Variants in CHM observed in about 807,000 individuals in gnomAD.
CHM encodes the protein CHM Rab escort protein.
A neutral mutation model predicts 49.0 loss-of-function variants in CHM; 10 were observed. That is an observed-to-expected ratio of 0.20 (90% confidence interval 0.13 to 0.35). The LOEUF (loss-of-function observed/expected upper bound fraction) is 0.35, where lower values mean the gene tolerates loss of function less well. Ranked by LOEUF, CHM falls within the 10% of genes least tolerant of loss-of-function variation. CHM has a pLI of 1.00. For missense variants in CHM, 455 were observed against 478.4 expected, an observed-to-expected ratio of 0.95 and a Z score of 0.46; for synonymous variants, 184 against 167.5, an observed-to-expected ratio of 1.10 and a Z score of -0.76.
intron 8 of CHM, among the ~76,000 whole-genome samples, chrX:85,912,387 C>T (rs963128582): frequency 9.0e-6 from 1 of 111,397 alleles, no homozygotes; most frequent in African/African-American, 3.3e-5. Flanking sequence ...TGAGGAAACA[C>T]ATCTTACTTT....
At chrX:86,016,523 G>A (rs902288227) in intron 2 of CHM, among the ~76,000 whole-genome samples, 2 of 112,658 alleles carry the variant, frequency 1.8e-5, no homozygotes, top group Admixed American at 1.9e-4. Flanking sequence ...AGCTCAGGCC[G>A]TGGCTTCAGA....
intron 2 of CHM, 140 bp downstream of exon 2, chrX:86,027,351 T>TC: frequency 1.9e-6 from 1 of 521,725 alleles, no homozygotes; most frequent in Non-Finnish European, 3.4e-6. Flanking sequence ...ATTAAACAAC[T>TC]CCGATCTTTC....
chrX:86,016,967 A>T (rs1042032830), intron 2 of CHM, among the ~76,000 whole-genome samples: 6 of 112,748 alleles, frequency 5.3e-5, no homozygotes, highest in African/African-American at 1.9e-4. Flanking sequence ...CTCTTGCATC[A>T]GGGTGACCTG....
At chrX:85,942,778 ACTT>A (rs1929191148) in intron 8 of CHM, among the ~76,000 whole-genome samples, 1 of 108,477 alleles carries the variant, frequency 9.2e-6, no homozygotes, top group African/African-American at 3.4e-5. Context: ...ATATATATAT[ACTT>A]TAAGTTTTAG....
chrX:85,911,142 T>TAC lies in CHM; in HGVS notation c.1244+118_1244+119insGT, dbSNP rs1556276497. The TAC allele has an allele frequency of 3.5e-3, 45 of 12,774 alleles. 3 individuals are homozygous for TAC. The highest frequency in any genetic ancestry group is 0.02 in the African/African-American group (43 of 2,135). The allele number at this position is 12,774 out of a possible 1,213,427, so 1.1% of individuals were successfully genotyped here. A position where few individuals can be genotyped will look rare whatever the true frequency, so the allele number is the denominator to read the frequency against. On this transcript the variant is annotated intron_variant, in intron 9 of 14. Coordinates refer to ENST00000357749, the MANE Select transcript of CHM (RefSeq NM_000390.4). ...GTGTGTGTATATGTATATATATATA[T>TAC]ATATATATATATATATATATGTATA...
chrX:85,920,432 C>G (rs1285289308), intron 8 of CHM, among the ~76,000 whole-genome samples: 3 of 111,655 alleles, frequency 2.7e-5, no homozygotes, highest in Non-Finnish European at 5.6e-5. Context: ...GTAAGAAGCA[C>G]AGTAGTAGGG....
intron 7 of CHM, 145 bp downstream of exon 7, chrX:85,957,710 A>G (rs1411029241): frequency 3.3e-6 from 2 of 598,875 alleles, no homozygotes; most frequent in Non-Finnish European, 4.9e-6. Context: ...AAATAGCTAA[A>G]TGTTACTAAT....
intron 3 of CHM, among the ~76,000 whole-genome samples, chrX:85,979,898 TAC>T (rs981190972): frequency 2.2e-4 from 24 of 111,262 alleles, no homozygotes; most frequent in Admixed American, 1.5e-3. Context: ...TATTAGATAG[TAC>T]TAAACATCCA....
intron 2 of CHM, among the ~76,000 whole-genome samples, chrX:85,985,254 A>G (rs1353748221): frequency 8.9e-6 from 1 of 112,240 alleles, no homozygotes; most frequent in Non-Finnish European, 1.9e-5. Flanking sequence ...CGCAGGTCAG[A>G]CCCAGTCCCC....
intron 9 of CHM, among the ~76,000 whole-genome samples, chrX:85,908,333 T>C (rs1926728616): frequency 8.9e-6 from 1 of 111,898 alleles, no homozygotes; most frequent in Admixed American, 9.5e-5. Flanking sequence ...CTCTTGTATG[T>C]TTGATTTTGA....
intron 12 of CHM, among the ~76,000 whole-genome samples, chrX:85,886,686 C>T (rs1315018045): frequency 1.8e-5 from 2 of 110,665 alleles, no homozygotes; most frequent in African/African-American, 6.6e-5. Context: ...AACAGAACAA[C>T]TTGCAACTAT....
At chrX:85,900,225 A>T (rs756089945) in intron 11 of CHM, among the ~76,000 whole-genome samples, 6 of 111,837 alleles carry the variant, frequency 5.4e-5, no homozygotes, top group Non-Finnish European at 1.1e-4. Flanking sequence ...AACATAGATG[A>T]ACCTGGAGGA....
chrX:85,981,698 TA>T (rs1303349296), intron 3 of CHM, 38 bp downstream of exon 3: 2 of 1,009,227 alleles, frequency 2.0e-6, no homozygotes, highest in Non-Finnish European at 1.4e-6. Flanking sequence ...TAACATACAA[TA>T]AAACAAAGCA....
In CHM at chrX:85,901,086, G is replaced by A. The variant is rs1283434876; in HGVS notation, c.1347C>T (p.Tyr449=). The A allele has an allele frequency of 8.5e-7, 1 of 1,183,368 alleles. No homozygotes were observed. Among genetic ancestry groups the A allele is most frequent in the Non-Finnish European group, 1.1e-6 (1 of 871,184 alleles). Residue 449 remains tyrosine, a splice_region_variant and synonymous_variant, in exon 10 of 15, where the codon TAC becomes TAT. Coordinates refer to ENST00000357749, the MANE Select transcript of CHM (RefSeq NM_000390.4). ...FPENMCSRVQ[Y]RQISRAVLIT... Reference sequence around the variant, plus strand: ...CTAATGGGTGGAGGGGGCCTTACCTGTATTGCACACGTGAGCACATGTTCT... The same window carrying A: ...CTAATGGGTGGAGGGGGCCTTACCTATATTGCACACGTGAGCACATGTTCT...
At chrX:85,901,214 A>C in intron 9 of CHM, 26 bp from the exon 10 acceptor site, 1 of 927,208 alleles carries the variant, frequency 1.1e-6, no homozygotes, top group East Asian at 3.3e-5. Context: ...GCATACCATA[A>C]AAGTTCATAT....
chrX:85,928,232 T>A (rs909305131), intron 8 of CHM, among the ~76,000 whole-genome samples: 4 of 112,199 alleles, frequency 3.6e-5, no homozygotes, highest in African/African-American at 1.3e-4. Context: ...TACATATGCA[T>A]TCGTACTAAT....
At chrX:85,948,928 C>T (rs1603259868) in intron 8 of CHM, among the ~76,000 whole-genome samples, 1 of 111,708 alleles carries the variant, frequency 9.0e-6, no homozygotes, top group East Asian at 2.8e-4. Context: ...CAAGGAAATG[C>T]ATGTTTATTA....
intron 8 of CHM, among the ~76,000 whole-genome samples, chrX:85,928,304 AGGCC>A (rs1486953575): frequency 1.8e-5 from 2 of 111,976 alleles, no homozygotes; most frequent in African/African-American, 6.5e-5. Flanking sequence ...GCACTTTGGG[AGGCC>A]GAGGCAGGCA....
At chrX:85,937,866 A>AACTGTATCC (rs1928878111) in intron 8 of CHM, among the ~76,000 whole-genome samples, 1 of 110,042 alleles carries the variant, frequency 9.1e-6, no homozygotes, top group South Asian at 3.9e-4. Context: ...AAGGAAATTA[A>AACTGTATCC]ACTGTATCCA....
Sources: allele counts gnomAD v4.1 joint callset (sites outside exome capture counted in the v4.1 genomes callset), GRCh38; gene constraint gnomAD v4.1.1; transcripts MANE v1.5; gene names NCBI Gene and HGNC (gene_info 2026-07-23, HGNC 2026-07-21).